The following GARNL3 variants were observed in gnomAD, a reference collection of about 807,000 sequenced individuals.
The protein encoded by GARNL3 is GTPase-activating Rap/Ran-GAP domain-like protein 3.
A neutral mutation model predicts 125.0 loss-of-function variants in GARNL3; 63 were observed. The observed-to-expected ratio is 0.50, with a 90% CI of 0.41 to 0.62. The LOEUF (loss-of-function observed/expected upper bound fraction) is 0.62. Ranked by LOEUF, GARNL3 falls within the 20% of genes least tolerant of loss-of-function variation. The pLI, the probability that GARNL3 is intolerant of heterozygous loss-of-function variation, is 0.00. For missense variants in GARNL3, 994 were observed against 1,244.0 expected, an observed-to-expected ratio of 0.80 and a Z score of 3.02; for synonymous variants, 439 against 457.5, an observed-to-expected ratio of 0.96 and a Z score of 0.52.
intron 22 of GARNL3, among the ~76,000 whole-genome samples, chr9:127,380,242 G>A (rs1427654833): frequency 6.7e-6 from 1 of 150,188 alleles, no homozygotes; most frequent in Non-Finnish European, 1.5e-5. Context: ...GTGTGTGTCA[G>A]TATTTCTCCC....
At chr9:127,276,247 C>T (rs1393276913) in intron 1 of GARNL3, among the ~76,000 whole-genome samples, 1 of 152,076 alleles carries the variant, frequency 6.6e-6, no homozygotes, top group Non-Finnish European at 1.5e-5. Flanking sequence ...CTTAGCCTCC[C>T]AAGGCAAGGC....
chr9:127,359,277 G>A (rs1290365548), intron 21 of GARNL3, among the ~76,000 whole-genome samples: 4 of 152,170 alleles, frequency 2.6e-5, no homozygotes, highest in Non-Finnish European at 5.9e-5. Context: ...ATCACCTGAG[G>A]TCAGGAGTTC....
chr9:127,358,997 T>C (rs71481314), intron 21 of GARNL3, among the ~76,000 whole-genome samples: 13,395 of 152,176 alleles, frequency 0.088, 850 homozygotes, highest in Non-Finnish European at 0.13. Context: ...AACCAATATT[T>C]GTTTAAGTCT....
At chr9:127,322,502 T>A (rs777507738) in intron 6 of GARNL3, among the ~76,000 whole-genome samples, 1 of 152,194 alleles carries the variant, frequency 6.6e-6, no homozygotes, top group African/African-American at 2.4e-5. Context: ...TTTCCTACAT[T>A]TGTATTTTGG....
chr9:127,318,328 C>T (rs2065297814), intron 5 of GARNL3, among the ~76,000 whole-genome samples: 1 of 152,094 alleles, frequency 6.6e-6, no homozygotes, highest in Non-Finnish European at 1.5e-5. Context: ...TGTGACTGTG[C>T]CATTTTATAG....
Position 127,357,216 on chromosome 9 carries a change from C to G in GARNL3, c.1936-3C>G, listed in dbSNP as rs1157670295. 2 of 1,613,982 alleles carry G rather than the reference C, an allele frequency of 1.2e-6. No homozygotes were observed. The highest frequency in any genetic ancestry group is 2.7e-5 in the African/African-American group (2 of 74,940). On this transcript the variant is annotated splice_polypyrimidine_tract_variant and splice_region_variant and intron_variant, in intron 20 of 27. Transcript: ENST00000373387. The stretch of plus-strand genomic sequence containing the variant: ...GTCTCTTGTATCCTCACCAACCACA[C>G]AGGAGATCTGTCTGTCTGACTCTCC...
intron 11 of GARNL3, among the ~76,000 whole-genome samples, chr9:127,336,736 G>A (rs1029990344): frequency 6.6e-6 from 1 of 152,148 alleles, no homozygotes; most frequent in African/African-American, 2.4e-5. Flanking sequence ...AGCTCATATT[G>A]CTGGCAAAGT....
At chr9:127,365,502 C>A in intron 22 of GARNL3, 136 bp downstream of exon 22, 1 of 743,794 alleles carries the variant, frequency 1.3e-6, no homozygotes. Context: ...CAGGAAGGAA[C>A]TGAAAAATAC....
At chr9:127,277,888 C>T (rs2063997957) in intron 1 of GARNL3, among the ~76,000 whole-genome samples, 1 of 152,156 alleles carries the variant, frequency 6.6e-6, no homozygotes, top group Admixed American at 6.5e-5. Flanking sequence ...TCATATTTTA[C>T]ATTGTCATTA....
Position 127,345,383 on chromosome 9 carries a change from A to C in GARNL3, c.1357-20A>C. 6.5e-7 allele frequency: 1 copy of C among 1,531,048 alleles called. No homozygotes were observed. The highest frequency in any genetic ancestry group is 8.9e-7 in the Non-Finnish European group (1 of 1,126,472). 94.8% of individuals were successfully genotyped at this position (1,531,048 alleles called of 1,614,324 possible). A position where few individuals can be genotyped will look rare whatever the true frequency, so the allele number is the denominator to read the frequency against. On this transcript the variant is annotated intron_variant, in intron 15 of 27. Coordinates refer to ENST00000373387, the MANE Select transcript of GARNL3 (RefSeq NM_032293.5). ...CTTTTGCCGCCTAGTAAACTTTAATAGAGATCTCTGTTCTGTAAGGCACTA... is the reference window on the plus strand; with the variant it reads ...CTTTTGCCGCCTAGTAAACTTTAATCGAGATCTCTGTTCTGTAAGGCACTA...
rs560219546 is a variant in GARNL3 at position 127,268,334 on chromosome 9, T to C, written c.144+3313T>C. Among the ~76,000 whole-genome samples the C allele has an allele frequency of 2.0e-5, 3 of 152,278 alleles. No homozygotes were observed. In the South Asian group the frequency reaches 6.2e-4, roughly 32 times the overall value. On this transcript the variant is annotated intron_variant, in intron 1 of 27. Transcript: ENST00000373387. ...AATTCACTGAAAGGATATGGGTGAA[T>C]CTCACGGGAGGGAAGTGCAGCTGCG... is the stretch of plus-strand genomic sequence containing the variant.
chr9:127,273,704 G>A (rs1275479866), intron 1 of GARNL3, among the ~76,000 whole-genome samples: 2 of 152,092 alleles, frequency 1.3e-5, no homozygotes, highest in Admixed American at 1.3e-4. Flanking sequence ...ATGCTGCTAA[G>A]AATTTTATGT....
chr9:127,265,230 T>TCTTC (rs2063678428), intron 1 of GARNL3, among the ~76,000 whole-genome samples: 1 of 152,260 alleles, frequency 6.6e-6, no homozygotes, highest in Non-Finnish European at 1.5e-5. Context: ...TTTAATCTTG[T>TCTTC]CTTCCAGTTT....
chr9:127,250,226 G>C (rs781609074), intron 2 of GARNL3, among the ~76,000 whole-genome samples: 1 of 152,174 alleles, frequency 6.6e-6, no homozygotes, highest in Non-Finnish European at 1.5e-5. Flanking sequence ...GAGAGGAAAT[G>C]GGGGCTGGGA....
intron 22 of GARNL3, among the ~76,000 whole-genome samples, chr9:127,379,394 T>C (rs892479153): frequency 1.3e-5 from 2 of 152,342 alleles, no homozygotes; most frequent in African/African-American, 4.8e-5. Context: ...ACTGAGAATT[T>C]TAATATGCAA....
chr9:127,259,064 A>G (rs2063541023), upstream of GARNL3, among the ~76,000 whole-genome samples: 1 of 152,192 alleles, frequency 6.6e-6, no homozygotes, highest in Admixed American at 6.5e-5. Flanking sequence ...TTGTGAGGTC[A>G]GCACTAATCT....
chr9:127,367,667 A>G (rs186798274), intron 22 of GARNL3, among the ~76,000 whole-genome samples: 418 of 152,342 alleles, frequency 2.7e-3, no homozygotes, highest in Non-Finnish European at 4.5e-3. Context: ...CCCAGTAATC[A>G]TTCACCTTTA....
chr9:127,322,936 A>T (rs1490603580), intron 6 of GARNL3, among the ~76,000 whole-genome samples: 1 of 152,074 alleles, frequency 6.6e-6, no homozygotes, highest in East Asian at 1.9e-4. Context: ...GTTTCTTCCC[A>T]CTCCTACCCA....
intron 2 of GARNL3, among the ~76,000 whole-genome samples, chr9:127,255,997 T>G (rs930187905): frequency 1.3e-5 from 2 of 152,210 alleles, no homozygotes; most frequent in Admixed American, 1.3e-4. Flanking sequence ...CCTGGAGAGA[T>G]AGACTTTCAA....
Sources: allele counts gnomAD v4.1 joint callset (sites outside exome capture counted in the v4.1 genomes callset), GRCh38; gene constraint gnomAD v4.1.1; transcripts MANE v1.5; gene names NCBI Gene and HGNC (gene_info 2026-07-23, HGNC 2026-07-21).